The following PTPRT variants were observed in gnomAD, a reference collection of about 807,000 sequenced individuals.
PTPRT encodes the protein protein tyrosine phosphatase receptor type T.
A neutral mutation model predicts 176.8 loss-of-function variants in PTPRT; 56 were observed. The observed-to-expected ratio is 0.32, with a 90% CI of 0.26 to 0.40. The LOEUF (loss-of-function observed/expected upper bound fraction) is 0.40. Among genes scored for constraint, PTPRT ranks in the 10% least tolerant of loss-of-function variants. The pLI, the probability that PTPRT is intolerant of heterozygous loss-of-function variation, is 1.00. For synonymous variants in PTPRT, 783 were observed against 739.0 expected (o/e 1.06, Z -0.96); for missense variants, 1,540 against 1,908.2 (o/e 0.81, Z 3.60).
At chr20:42,989,640 A>G (rs1016268084) in intron 1 of PTPRT, among the ~76,000 whole-genome samples, 1 of 152,236 alleles carries the variant, frequency 6.6e-6, no homozygotes, top group African/African-American at 2.4e-5. Context: ...AGGATGTTCC[A>G]TCAATGTTTT....
chr20:42,038,606 T>C, the PTPRT span, among the ~76,000 whole-genome samples: 2 of 152,178 alleles, frequency 1.3e-5, no homozygotes, highest in African/African-American at 2.4e-5. Context: ...GTTCTATAAC[T>C]TTGTAGTTGT....
intron 18 of PTPRT, among the ~76,000 whole-genome samples, chr20:42,138,707 C>T (rs77605591): frequency 1.4e-3 from 210 of 152,302 alleles, no homozygotes; most frequent in African/African-American, 4.8e-3. Flanking sequence ...TCTCTTTGTT[C>T]TTATTTTACC....
intron 16 of PTPRT, among the ~76,000 whole-genome samples, chr20:42,176,367 A>T (rs2143008): frequency 6.6e-6 from 1 of 151,952 alleles, no homozygotes; most frequent in African/African-American, 2.4e-5. Context: ...CTCAAAATGC[A>T]TATCTTCTCC....
At chr20:42,282,239 C>A (rs1340192595) in intron 13 of PTPRT, among the ~76,000 whole-genome samples, 1 of 152,060 alleles carries the variant, frequency 6.6e-6, no homozygotes, top group Non-Finnish European at 1.5e-5. Flanking sequence ...AGTACCAGTC[C>A]ATCCTTTTAC....
chr20:42,850,571 C>A (rs772558810), intron 2 of PTPRT, among the ~76,000 whole-genome samples: 1 of 152,168 alleles, frequency 6.6e-6, no homozygotes, highest in African/African-American at 2.4e-5. Flanking sequence ...CTTTTGGCAT[C>A]CCCCAGTGGT....
intron 7 of PTPRT, among the ~76,000 whole-genome samples, chr20:42,534,001 T>C (rs1342815107): frequency 1.3e-5 from 2 of 152,108 alleles, no homozygotes; most frequent in African/African-American, 2.4e-5. Context: ...AGATGGACAG[T>C]TTCCATAGAG....
chr20:43,153,688 A>C (rs6103166), intron 1 of PTPRT, among the ~76,000 whole-genome samples: 3,943 of 152,260 alleles, frequency 0.026, 91 homozygotes, highest in South Asian at 0.079. Flanking sequence ...AGTCTCAATA[A>C]AGGTCGCATG....
At chr20:42,352,321 A>C (rs2145526360) in intron 9 of PTPRT, 36 bp from the exon 10 acceptor site, 4 of 1,601,832 alleles carry the variant, frequency 2.5e-6, no homozygotes, top group Non-Finnish European at 3.4e-6. Flanking sequence ...AAACAAATAA[A>C]TGCCTCACTC....
At chr20:43,188,313 G>A (rs1157655301) in intron 1 of PTPRT, among the ~76,000 whole-genome samples, 1 of 152,142 alleles carries the variant, frequency 6.6e-6, no homozygotes, top group African/African-American at 2.4e-5. Flanking sequence ...ACCTCAAAAG[G>A]AGTGTCTTCG....
At chr20:42,473,727 G>A (rs1219492472) in intron 7 of PTPRT, among the ~76,000 whole-genome samples, 2 of 152,054 alleles carry the variant, frequency 1.3e-5, no homozygotes, top group Admixed American at 6.6e-5. Context: ...CTCCTGCCTT[G>A]GCTTCCCAAA....
intron 11 of PTPRT, among the ~76,000 whole-genome samples, chr20:42,348,846 T>C (rs2058235039): frequency 6.6e-6 from 1 of 152,224 alleles, no homozygotes; most frequent in African/African-American, 2.4e-5. Context: ...CCCTGACAAC[T>C]GTCATTTCTC....
intron 1 of PTPRT, among the ~76,000 whole-genome samples, chr20:43,125,810 T>A (rs577753279): frequency 4.6e-5 from 7 of 152,298 alleles, no homozygotes; most frequent in African/African-American, 1.4e-4. Flanking sequence ...GGTAATTGAT[T>A]AGAGAGCTTT....
rs1229699850 is a variant in PTPRT at position 42,993,440 on chromosome 20, G to GTA, written c.89-107510_89-107509dup. 4.3e-4 allele frequency among the ~76,000 whole-genome samples: 44 copies of GTA among 101,198 alleles called. 10 individuals carry two copies. Among genetic ancestry groups the GTA allele is most frequent in the South Asian group, 7.6e-4 (3 of 3,970 alleles). The allele number at this position is 101,198 out of a possible 152,430, so 66.4% of individuals were successfully genotyped here. On this transcript the variant is annotated intron_variant, in intron 1 of 30. Transcript: ENST00000373187. ...CTCAAAAAAAAAAAAAAGTATGTGT[G>GTA]TATATATATATATGTATGTGTGTGT...
intron 7 of PTPRT, among the ~76,000 whole-genome samples, chr20:42,520,616 A>C (rs543278174): frequency 7.9e-5 from 12 of 152,144 alleles, no homozygotes; most frequent in Non-Finnish European, 1.6e-4. Context: ...TTGCATCTAC[A>C]TGCTTACTCT....
chr20:42,261,077 A>G (rs1403567159), intron 13 of PTPRT, among the ~76,000 whole-genome samples: 1 of 152,198 alleles, frequency 6.6e-6, no homozygotes, highest in Non-Finnish European at 1.5e-5. Flanking sequence ...ACCACAACCC[A>G]AGAGGTTTAA....
At chr20:42,686,639 T>C (rs1440399868) in intron 6 of PTPRT, among the ~76,000 whole-genome samples, 1 of 151,758 alleles carries the variant, frequency 6.6e-6, no homozygotes, top group Non-Finnish European at 1.5e-5. Flanking sequence ...GCTACAGGCA[T>C]GCGCCACCAT....
At chr20:42,751,881 G>A (rs537333715) in intron 6 of PTPRT, among the ~76,000 whole-genome samples, 3 of 152,002 alleles carry the variant, frequency 2.0e-5, no homozygotes, top group Non-Finnish European at 2.9e-5. Context: ...ACTTACAGAC[G>A]GCCCATCTGG....
intron 2 of PTPRT, among the ~76,000 whole-genome samples, chr20:42,823,475 C>A (rs1227286821): frequency 6.6e-6 from 1 of 151,974 alleles, no homozygotes; most frequent in Non-Finnish European, 1.5e-5. Flanking sequence ...ATGTAACAAA[C>A]CTGCATATTG....
intron 17 of PTPRT, among the ~76,000 whole-genome samples, chr20:42,144,641 G>C (rs895113662): frequency 6.6e-6 from 1 of 152,156 alleles, no homozygotes; most frequent in African/African-American, 2.4e-5. Context: ...CTATAGAAAA[G>C]CTGCAGAAGC....
Sources: allele counts gnomAD v4.1 joint callset (sites outside exome capture counted in the v4.1 genomes callset), GRCh38; gene constraint gnomAD v4.1.1; transcripts MANE v1.5; gene names NCBI Gene and HGNC (gene_info 2026-07-23, HGNC 2026-07-21).